The following MZT2B variants were observed in gnomAD, a reference collection of about 807,000 sequenced individuals.
The protein encoded by MZT2B is mitotic spindle organizing protein 2B, also known as mitotic-spindle organizing protein 2B.
In MZT2B, 11 loss-of-function variants were observed where a neutral mutation model predicts 12.1. The observed-to-expected ratio is 0.91, with a 90% CI of 0.57 to 1.50. The LOEUF (loss-of-function observed/expected upper bound fraction) is 1.50. MZT2B is among the 40% of genes most tolerant of loss of function. The pLI is 0.00. For synonymous variants in MZT2B, 85 were observed against 109.5 expected, an observed-to-expected ratio of 0.78 and a Z score of 1.40; for missense variants, 209 against 227.7, an observed-to-expected ratio of 0.92 and a Z score of 0.53.
the MZT2B span, among the ~76,000 whole-genome samples, chr2:130,203,744 G>A: frequency 6.6e-6 from 1 of 152,174 alleles, no homozygotes; most frequent in South Asian, 2.1e-4. Context: ...TGCCTGGCCT[G>A]ATTTAAATCT....
chr2:130,196,306 C>A, the MZT2B span: 5 of 1,614,128 alleles, frequency 3.1e-6, no homozygotes, highest in South Asian at 5.5e-5. Context: ...CAAGGCAGTA[C>A]AGTTCCCAGC....
chr2:130,194,931 G>T (rs1185650242), downstream of MZT2B: 1 of 1,434,126 alleles, frequency 7.0e-7, no homozygotes, highest in Non-Finnish European at 9.5e-7. Context: ...ACCTGCTTTA[G>T]CCTCTCAAAG....
intron 2 of MZT2B, 159 bp downstream of exon 2, chr2:130,182,934 T>C: frequency 1.0e-6 from 1 of 972,966 alleles, no homozygotes; most frequent in Non-Finnish European, 1.5e-6. Flanking sequence ...GCTCCTGGGC[T>C]TCGCTGCCAG....
At chr2:130,184,106 A>G (rs759807850) in intron 2 of MZT2B, 50 of 1,534,256 alleles carry the variant, frequency 3.3e-5, no homozygotes, top group Non-Finnish European at 3.7e-5. Context: ...GCTTAGCCAC[A>G]GGGCACGATT....
chr2:130,195,027 G>C, downstream of MZT2B: 1 of 1,601,362 alleles, frequency 6.2e-7, no homozygotes, highest in Non-Finnish European at 8.5e-7. Flanking sequence ...CACATTCCAA[G>C]AACTACCCCT....
At chr2:130,182,206 G>A (rs1184892425), upstream of MZT2B, 6 of 1,238,432 alleles carry the variant, frequency 4.8e-6, no homozygotes, top group Admixed American at 4.2e-5. Context: ...AGACGTTGAC[G>A]CTGCAGGGAG....
At position 130,182,682 on chromosome 2, in the gene MZT2B, C is replaced by G; in HGVS notation, c.226C>G (p.Leu76Val). Residue 76 changes from leucine (L) to valine (V), a missense_variant, in exon 2 of 3, where the codon CTC (leucine) becomes GTC (valine). Transcript: ENST00000281871. ...GGCCCCCCTCGCCGTCTTCCAGATG[C>G]TCAAGTCCATGTGTGCCGGGCAGAG... is the stretch of plus-strand genomic sequence containing the variant. ...NVAPLAVFQM[L>V]KSMCAGQRLA... is the part of the protein sequence containing the mutation. The G allele has an allele frequency of 6.4e-7, 1 of 1,554,400 alleles. No homozygotes were observed. Among genetic ancestry groups the G allele is most frequent in the Non-Finnish European group, 8.7e-7 (1 of 1,149,604 alleles).
the MZT2B span, among the ~76,000 whole-genome samples, chr2:130,202,645 G>A: frequency 6.6e-6 from 1 of 152,174 alleles, no homozygotes; most frequent in Non-Finnish European, 1.5e-5. Flanking sequence ...GCTGGGCTTG[G>A]CTCCTTGCCA....
chr2:130,198,056 C>T, the MZT2B span, among the ~76,000 whole-genome samples: 2 of 123,306 alleles, frequency 1.6e-5, no homozygotes, highest in South Asian at 2.8e-4. Flanking sequence ...ACGTGTGAAG[C>T]GGGAGCAGCG....
intron 2 of MZT2B, among the ~76,000 whole-genome samples, chr2:130,185,684 G>A (rs1357753254): frequency 8.8e-6 from 1 of 113,614 alleles, no homozygotes; most frequent in Non-Finnish European, 1.9e-5. Context: ...GGGGCGGGAG[G>A]AGGCAGGTGG....
the MZT2B span, among the ~76,000 whole-genome samples, chr2:130,204,720 A>G: frequency 6.8e-6 from 1 of 147,440 alleles, no homozygotes. Flanking sequence ...GGTGGGGAGG[A>G]AGCTATTTAG....
chr2:130,191,545 T>C (rs938734538), downstream of MZT2B, among the ~76,000 whole-genome samples: 1 of 152,162 alleles, frequency 6.6e-6, no homozygotes, highest in Non-Finnish European at 1.5e-5. Flanking sequence ...ATTTAGGAAA[T>C]CTATACATTG....
chr2:130,204,712 TGG>T, the MZT2B span, among the ~76,000 whole-genome samples: 4 of 47,718 alleles, frequency 8.4e-5, no homozygotes, highest in African/African-American at 1.4e-4. Context: ...AAAGGGGGGG[TGG>T]GGAGGAAGCT....
chr2:130,193,606 CAAAAAAA>C (rs34918027), downstream of MZT2B, among the ~76,000 whole-genome samples: 10 of 95,074 alleles, frequency 1.1e-4, no homozygotes, highest in South Asian at 1.8e-3. Context: ...AAGACTGTCT[CAAAAAAA>C]AAAAAAAAAA....
intron 2 of MZT2B, chr2:130,184,311 C>T: frequency 2.0e-6 from 2 of 985,470 alleles, no homozygotes; most frequent in Non-Finnish European, 2.4e-6. Context: ...GCGTGACAAA[C>T]ACCTCGGCCT....
chr2:130,195,294 G>C (rs1008864865), downstream of MZT2B: 5 of 1,573,318 alleles, frequency 3.2e-6, no homozygotes, highest in African/African-American at 5.5e-5. Flanking sequence ...ACACATTCCA[G>C]GAGTGTTCAC....
rs368057957 is a variant in MZT2B, at chr2:130,183,971, C to A, written c.319+1196C>A. 1.4e-5 allele frequency: 22 copies of A among 1,550,484 alleles called. No individual in the cohort carries two copies. In the East Asian group the frequency reaches 5.4e-4, roughly 38 times the overall value. ...GCCTGTTCTCTCCTTTTGCAGGTTGCGTTTATTGGCTTATCTCTGGGGGTT... is the reference window on the plus strand; with the variant it reads ...GCCTGTTCTCTCCTTTTGCAGGTTGAGTTTATTGGCTTATCTCTGGGGGTT... On this transcript the variant is annotated intron_variant, in intron 2 of 2. Coordinates refer to ENST00000281871, the MANE Select transcript of MZT2B (RefSeq NM_025029.5).
At chr2:130,193,795 A>G (rs1249211979), downstream of MZT2B, 1 of 1,605,964 alleles carries the variant, frequency 6.2e-7, no homozygotes, top group Non-Finnish European at 8.5e-7. Context: ...CCTTAAATCC[A>G]GTCGGGCACC....
chr2:130,197,269 C>T, the MZT2B span, among the ~76,000 whole-genome samples: 1 of 151,848 alleles, frequency 6.6e-6, no homozygotes, highest in Non-Finnish European at 1.5e-5. Context: ...GTGAGAGGAT[C>T]ACTTGGGACC....
Sources: allele counts gnomAD v4.1 joint callset (sites outside exome capture counted in the v4.1 genomes callset), GRCh38; gene constraint gnomAD v4.1.1; transcripts MANE v1.5; gene names NCBI Gene and HGNC (gene_info 2026-07-23, HGNC 2026-07-21).